Variants in CAMK1D observed in about 807,000 individuals in gnomAD.
The protein encoded by CAMK1D is calcium/calmodulin dependent protein kinase ID.
Under a neutral mutation model 47.7 loss-of-function variants are expected in CAMK1D, and 9 were observed. The ratio of observed to expected loss-of-function variants is 0.19; its 90% CI spans 0.11 to 0.33. The LOEUF is 0.33. CAMK1D is among the 10% of genes least tolerant of loss of function. CAMK1D has a pLI of 1.00. For synonymous variants in CAMK1D, 184 were observed against 184.9 expected, an observed-to-expected ratio of 0.99 and a Z score of 0.04; for missense variants, 291 against 488.7, an observed-to-expected ratio of 0.60 and a Z score of 3.81.
chr10:12,378,598 A>G (rs1838252422), intron 1 of CAMK1D, among the ~76,000 whole-genome samples: 1 of 151,456 alleles, frequency 6.6e-6, no homozygotes, highest in Non-Finnish European at 1.5e-5. Context: ...TGGGTCCCAC[A>G]AATCAGGTAG....
chr10:12,493,228 G>A (rs140855241), intron 1 of CAMK1D, among the ~76,000 whole-genome samples: 38 of 152,276 alleles, frequency 2.5e-4, no homozygotes, highest in Non-Finnish European at 3.8e-4. Context: ...TGTGGCTAGC[G>A]AATGATTTCT....
intron 1 of CAMK1D, among the ~76,000 whole-genome samples, chr10:12,371,143 C>T (rs1258389496): frequency 6.6e-6 from 1 of 152,064 alleles, no homozygotes; most frequent in Non-Finnish European, 1.5e-5. Flanking sequence ...TGTATAAAGT[C>T]TACAGTAGTG....
At position 12,540,028 on chromosome 10, in the gene CAMK1D, C is replaced by T. The variant is rs75667946; in HGVS notation, c.93-13197C>T. Among the ~76,000 whole-genome samples the T allele has an allele frequency of 7.9e-3, 1,206 of 152,232 alleles. 12 individuals are homozygous for T. The highest frequency in any genetic ancestry group is 0.027 in the African/African-American group (1,124 of 41,528). On this transcript the variant is annotated intron_variant, in intron 1 of 10. Coordinates refer to ENST00000619168, the MANE Select transcript of CAMK1D (RefSeq NM_153498.4). ...TCCTGGGCTCAGGCGATCCACTCAC[C>T]TCAGCCTCCCAAGTAAGTAGGACTA... is the stretch of plus-strand genomic sequence containing the variant.
At chr10:12,709,715 A>C (rs1297065921) in intron 3 of CAMK1D, among the ~76,000 whole-genome samples, 4 of 152,210 alleles carry the variant, frequency 2.6e-5, no homozygotes, top group African/African-American at 9.6e-5. Context: ...ACATCCATGA[A>C]AATATCTATT....
At position 12,352,611 on chromosome 10, in the gene CAMK1D, AAAAAT is replaced by A. The variant is rs887441629; in HGVS notation, c.92+2715_92+2719del. 1.9e-3 allele frequency among the ~76,000 whole-genome samples: 295 copies of A among 152,100 alleles called. 3 individuals carry two copies. Among genetic ancestry groups the A allele is most frequent in the Non-Finnish European group, 5.9e-4 (40 of 67,998 alleles). Reference sequence around the variant, plus strand: ...GCCACAGAGTGAGACTCGGTCTCAAAAAAATAAAATAAAATAAATGAGAAAACATA... The same window carrying A: ...GCCACAGAGTGAGACTCGGTCTCAAAAAAATAAAATAAATGAGAAAACATA... On this transcript the variant is annotated intron_variant, in intron 1 of 10. Transcript: ENST00000619168.
intron 5 of CAMK1D, among the ~76,000 whole-genome samples, chr10:12,786,090 A>G (rs536242156): frequency 2.7e-4 from 41 of 152,346 alleles, no homozygotes; most frequent in Non-Finnish European, 5.6e-4. Context: ...TTTTCAAACA[A>G]TGTTTCAAAG....
intron 2 of CAMK1D, among the ~76,000 whole-genome samples, chr10:12,605,106 C>A (rs1418033442): frequency 6.6e-6 from 1 of 152,024 alleles, no homozygotes; most frequent in Non-Finnish European, 1.5e-5. Flanking sequence ...ACAGGATGGT[C>A]TCGATCTCCT....
intron 1 of CAMK1D, among the ~76,000 whole-genome samples, chr10:12,462,572 A>G (rs1232498547): frequency 1.3e-5 from 2 of 152,184 alleles, no homozygotes; most frequent in Non-Finnish European, 2.9e-5. Context: ...AGTAACAGGA[A>G]CAACTACAAA....
intron 1 of CAMK1D, among the ~76,000 whole-genome samples, chr10:12,379,452 CT>C (rs1190647709): frequency 6.6e-6 from 1 of 152,016 alleles, no homozygotes; most frequent in Admixed American, 6.6e-5. Flanking sequence ...AAAATGTTAG[CT>C]AAAATCCCTT....
chr10:12,500,156 C>T (rs1834656427), intron 1 of CAMK1D, among the ~76,000 whole-genome samples: 1 of 152,092 alleles, frequency 6.6e-6, no homozygotes, highest in Non-Finnish European at 1.5e-5. Flanking sequence ...ATCCCAGCTA[C>T]TTGGGAGGCT....
intron 3 of CAMK1D, among the ~76,000 whole-genome samples, chr10:12,731,019 G>T (rs1027662930): frequency 6.6e-6 from 1 of 152,168 alleles, no homozygotes; most frequent in African/African-American, 2.4e-5. Flanking sequence ...CGCTGGCAGG[G>T]GAAATGAGAT....
chr10:12,621,036 G>A (rs1338371774), intron 2 of CAMK1D, among the ~76,000 whole-genome samples: 1 of 152,184 alleles, frequency 6.6e-6, no homozygotes, highest in Non-Finnish European at 1.5e-5. Flanking sequence ...CACCATGTGT[G>A]TATATAAGAG....
chr10:12,379,379 G>A (rs1838277192), intron 1 of CAMK1D, among the ~76,000 whole-genome samples: 1 of 152,108 alleles, frequency 6.6e-6, no homozygotes, highest in African/African-American at 2.4e-5. Context: ...GTCGTGATGA[G>A]GTTTTCATGA....
chr10:12,647,211 C>T (rs1018577549), intron 2 of CAMK1D, among the ~76,000 whole-genome samples: 3 of 135,742 alleles, frequency 2.2e-5, no homozygotes, highest in East Asian at 2.3e-4. Context: ...AGTGCAGTGA[C>T]GCGATCTTGG....
chr10:12,481,144 A>G (rs952049326), intron 1 of CAMK1D, among the ~76,000 whole-genome samples: 2 of 152,222 alleles, frequency 1.3e-5, no homozygotes, highest in African/African-American at 4.8e-5. Context: ...ACCAGCCATT[A>G]TTCCAGAGAT....
At chr10:12,381,198 C>G (rs887118515) in intron 1 of CAMK1D, among the ~76,000 whole-genome samples, 3 of 152,204 alleles carry the variant, frequency 2.0e-5, no homozygotes, top group South Asian at 2.1e-4. Context: ...GGCCCCGCCC[C>G]TTATAAAGTT....
At chr10:12,537,719 C>G (rs993482569) in intron 1 of CAMK1D, among the ~76,000 whole-genome samples, 21 of 152,150 alleles carry the variant, frequency 1.4e-4, no homozygotes, top group Admixed American at 9.8e-4. Flanking sequence ...GTGGGAAGCC[C>G]TTGGCATAAC....
chr10:12,531,100 A>G (rs910004147), intron 1 of CAMK1D, among the ~76,000 whole-genome samples: 6 of 151,724 alleles, frequency 4.0e-5, no homozygotes, highest in Non-Finnish European at 7.4e-5. Context: ...TAAGACAATT[A>G]ATTTGAACAC....
chr10:12,810,274 C>G (rs1049545527), intron 6 of CAMK1D, among the ~76,000 whole-genome samples: 3 of 109,098 alleles, frequency 2.7e-5, no homozygotes, highest in Non-Finnish European at 5.4e-5. Flanking sequence ...GCCCTAGCAC[C>G]ACTTTTTTTT....
Sources: gnomAD v4.1 joint callset for allele counts (sites outside exome capture counted in the v4.1 genomes callset) on GRCh38, gnomAD v4.1.1 for gene constraint, MANE v1.5 for transcripts, NCBI Gene and HGNC (gene_info 2026-07-23, HGNC 2026-07-21) for gene names.